The following SAMD5 variants were observed in gnomAD, a reference collection of about 807,000 sequenced individuals.
The protein encoded by SAMD5 is sterile alpha motif domain containing 5.
In SAMD5, 13 loss-of-function variants were observed where a neutral mutation model predicts 11.3. That is an observed-to-expected ratio of 1.15 (90% CI 0.75 to 1.83). The LOEUF (loss-of-function observed/expected upper bound fraction) is 1.83, where lower values mean the gene tolerates loss of function less well. SAMD5 is among the 40% of genes most tolerant of loss of function. The pLI is 0.00. For missense variants in SAMD5, 255 were observed against 239.1 expected (o/e 1.07, Z -0.44); for synonymous variants, 129 against 111.3 (o/e 1.16, Z -1.00).
the SAMD5 span, among the ~76,000 whole-genome samples, chr6:147,887,908 C>G: frequency 6.6e-6 from 1 of 152,010 alleles, no homozygotes; most frequent in African/African-American, 2.4e-5. Context: ...TTTGTATATC[C>G]CTGATGACTA....
the SAMD5 span, among the ~76,000 whole-genome samples, chr6:147,800,085 C>T: frequency 7.2e-5 from 11 of 152,210 alleles, no homozygotes; most frequent in Admixed American, 3.3e-4. Context: ...AGTCATTCTC[C>T]GTCCAGCTTT....
chr6:147,917,160 T>G, the SAMD5 span, among the ~76,000 whole-genome samples: 3 of 82,936 alleles, frequency 3.6e-5, no homozygotes, highest in South Asian at 5.0e-4. Flanking sequence ...TGAACTAGTT[T>G]ACAGTCCCAC....
chr6:147,633,846 A>G (rs1426118375), intron 1 of SAMD5, among the ~76,000 whole-genome samples: 1 of 152,068 alleles, frequency 6.6e-6, no homozygotes, highest in Non-Finnish European at 1.5e-5. Context: ...ATACCATACA[A>G]TTCACCTGTT....
chr6:147,564,166 A>G (rs76359231), intron 1 of SAMD5, among the ~76,000 whole-genome samples: 630 of 152,328 alleles, frequency 4.1e-3, no homozygotes, highest in Middle Eastern at 6.8e-3. Flanking sequence ...AGGCCTTTTT[A>G]AACAAAATAT....
At chr6:147,739,292 A>G (rs1193742370), downstream of SAMD5, among the ~76,000 whole-genome samples, 1 of 152,208 alleles carries the variant, frequency 6.6e-6, no homozygotes, top group African/African-American at 2.4e-5. Flanking sequence ...GACTTAATAC[A>G]CTATAAATAG....
chr6:147,541,743 A>G (rs1188824514), intron 1 of SAMD5, among the ~76,000 whole-genome samples: 3 of 152,184 alleles, frequency 2.0e-5, no homozygotes, highest in Non-Finnish European at 4.4e-5. Flanking sequence ...TCCCTAACCA[A>G]GAACTCCAAG....
the SAMD5 span, among the ~76,000 whole-genome samples, chr6:147,896,754 AAAAAAAAAAC>A: frequency 6.7e-6 from 1 of 149,832 alleles, no homozygotes; most frequent in African/African-American, 2.5e-5. Context: ...AAAAAAAAAA[AAAAAAAAAAC>A]GCATCACCAG....
At chr6:147,798,325 A>C in the SAMD5 span, among the ~76,000 whole-genome samples, 6 of 150,530 alleles carry the variant, frequency 4.0e-5, no homozygotes, top group Non-Finnish European at 7.4e-5. Flanking sequence ...TTCGTTATGT[A>C]CCCAGTAGTC....
chr6:147,617,023 G>A lies in SAMD5; in HGVS notation c.162+107636G>A, dbSNP rs192265734. Reference sequence around the variant, plus strand: ...TTATCCTAGTTGGATAGAGCAAGTTGAAATTATGGGACAAAAGTTTCTCCT... The same window carrying A: ...TTATCCTAGTTGGATAGAGCAAGTTAAAATTATGGGACAAAAGTTTCTCCT... On this transcript the variant is annotated intron_variant, in intron 1 of 1. Coordinates refer to the SAMD5 transcript ENST00000566741. 2.3e-3 allele frequency among the ~76,000 whole-genome samples: 343 copies of A among 152,308 alleles called. 1 individual carries two copies. Among genetic ancestry groups the A allele is most frequent in the African/African-American group, 7.6e-3 (317 of 41,560 alleles).
the SAMD5 span, among the ~76,000 whole-genome samples, chr6:147,940,751 TC>T: frequency 6.6e-6 from 1 of 152,004 alleles, no homozygotes; most frequent in Non-Finnish European, 1.5e-5. Context: ...TCACTTGAGG[TC>T]AGGAGTTAAG....
At chr6:147,786,241 T>C in the SAMD5 span, among the ~76,000 whole-genome samples, 2 of 152,364 alleles carry the variant, frequency 1.3e-5, no homozygotes, top group South Asian at 2.1e-4. Flanking sequence ...AACTAAAATG[T>C]GAAATACCTA....
the SAMD5 span, among the ~76,000 whole-genome samples, chr6:147,874,856 A>T: frequency 1.3e-5 from 2 of 152,082 alleles, no homozygotes; most frequent in Admixed American, 6.6e-5. Flanking sequence ...TATAGTGACA[A>T]ATTACGTCTG....
At chr6:147,699,272 A>G (rs886551445) in intron 1 of SAMD5, among the ~76,000 whole-genome samples, 2 of 152,188 alleles carry the variant, frequency 1.3e-5, no homozygotes, top group African/African-American at 4.8e-5. Flanking sequence ...GCATTTGCAT[A>G]TGAATGAATT....
At chr6:147,734,491 CG>C (rs1791762786) in intron 1 of SAMD5, among the ~76,000 whole-genome samples, 1 of 151,750 alleles carries the variant, frequency 6.6e-6, no homozygotes, top group Non-Finnish European at 1.5e-5. Flanking sequence ...CCGAGGCGGG[CG>C]GATCACGAGG....
At chr6:147,688,260 CCTCTTT>C (rs1255486770) in intron 1 of SAMD5, among the ~76,000 whole-genome samples, 2 of 151,874 alleles carry the variant, frequency 1.3e-5, no homozygotes, top group Non-Finnish European at 2.9e-5. Context: ...CTTTATACTG[CCTCTTT>C]CTCTTGTGTT....
the SAMD5 span, among the ~76,000 whole-genome samples, chr6:147,770,444 G>A: frequency 3.7e-3 from 558 of 152,202 alleles, 3 homozygotes; most frequent in African/African-American, 0.012. Flanking sequence ...CTGCTGACTC[G>A]GGAAATCAGA....
chr6:147,599,609 A>G (rs1789585644), intron 1 of SAMD5, among the ~76,000 whole-genome samples: 1 of 152,142 alleles, frequency 6.6e-6, no homozygotes, highest in Non-Finnish European at 1.5e-5. Flanking sequence ...GTCTCCTTTG[A>G]GGCCTCAGCA....
At chr6:147,935,863 T>G in the SAMD5 span, among the ~76,000 whole-genome samples, 1 of 152,188 alleles carries the variant, frequency 6.6e-6, no homozygotes, top group African/African-American at 2.4e-5. Context: ...ACATTAGTAA[T>G]TCTGGGGCTA....
At chr6:147,523,157 C>A (rs1254938891) in intron 1 of SAMD5, among the ~76,000 whole-genome samples, 1 of 152,034 alleles carries the variant, frequency 6.6e-6, no homozygotes, top group Non-Finnish European at 1.5e-5. Context: ...GAGCTGCTTG[C>A]CAGATGCCAT....
Sources: allele counts gnomAD v4.1 joint callset (sites outside exome capture counted in the v4.1 genomes callset), GRCh38; gene constraint gnomAD v4.1.1; transcripts MANE v1.5; gene names NCBI Gene and HGNC (gene_info 2026-07-23, HGNC 2026-07-21).